Variants in MAP7 observed in about 807,000 individuals in gnomAD.
MAP7 encodes microtubule associated protein 7.
A neutral mutation model predicts 94.8 loss-of-function variants in MAP7; 52 were observed. The observed-to-expected ratio is 0.55, with a 90% CI of 0.44 to 0.69. The LOEUF (loss-of-function observed/expected upper bound fraction) is 0.69. MAP7 is among the 30% of genes least tolerant of loss of function. The pLI, the probability that MAP7 is intolerant of heterozygous loss-of-function variation, is 0.00. For synonymous variants in MAP7, 350 were observed against 357.0 expected (o/e 0.98, Z 0.22); for missense variants, 940 against 964.6 (o/e 0.97, Z 0.34).
At chr6:136,492,175 T>A (rs1176156621) in intron 1 of MAP7, among the ~76,000 whole-genome samples, 1 of 152,188 alleles carries the variant, frequency 6.6e-6, no homozygotes, top group Non-Finnish European at 1.5e-5. Context: ...TAGATTCTCA[T>A]AAGGAGTGCA....
At chr6:136,378,764 A>T (rs1239546328) in intron 6 of MAP7, among the ~76,000 whole-genome samples, 1 of 152,258 alleles carries the variant, frequency 6.6e-6, no homozygotes, top group Admixed American at 6.5e-5. Flanking sequence ...GTTAGTTTCC[A>T]GTGATGGCTC....
chr6:136,507,736 C>T (rs949068293), intron 1 of MAP7, among the ~76,000 whole-genome samples: 14 of 152,182 alleles, frequency 9.2e-5, no homozygotes, highest in African/African-American at 3.4e-4. Context: ...TCTACCTAAT[C>T]TTTAATAACC....
chr6:136,467,657 G>A (rs1471078545), intron 1 of MAP7, among the ~76,000 whole-genome samples: 2 of 152,150 alleles, frequency 1.3e-5, no homozygotes, highest in African/African-American at 4.8e-5. Context: ...TTTGACTTGG[G>A]ATTATCTTTA....
At chr6:136,493,109 T>C (rs1281915360) in intron 1 of MAP7, among the ~76,000 whole-genome samples, 2 of 150,298 alleles carry the variant, frequency 1.3e-5, no homozygotes, top group African/African-American at 2.5e-5. Context: ...TTTTGTGCTC[T>C]TTTCTTCTTT....
chr6:136,411,643 C>T lies in MAP7; in HGVS notation c.221G>A (p.Arg74His), dbSNP rs1473859887. 26 of 1,562,736 alleles carry T rather than the reference C, an allele frequency of 1.7e-5. No individual in the cohort carries two copies. Among genetic ancestry groups the T allele is most frequent in the Non-Finnish European group, 2.1e-5 (24 of 1,152,502 alleles). ...DDRQRLARER[R>H]EEREKQLAAR... ...ACCTAGCTGTTTCTCCCGTTCCTCACGTCGCTCCCGGGCCAGCCGCTGCCG... is the reference window on the plus strand; with the variant it reads ...ACCTAGCTGTTTCTCCCGTTCCTCATGTCGCTCCCGGGCCAGCCGCTGCCG... The change falls in exon 3 of 18, where the codon CGT becomes CAT. Residue 74 changes from arginine to histidine, a missense_variant. By Grantham distance (29) the Arg-to-His change is conservative (BLOSUM62 0). Coordinates refer to ENST00000354570, the MANE Select transcript of MAP7 (RefSeq NM_003980.6).
chr6:136,398,682 C>T (rs9402806), intron 3 of MAP7, among the ~76,000 whole-genome samples: 14,238 of 152,224 alleles, frequency 0.094, 1,417 homozygotes, highest in East Asian at 0.27. Flanking sequence ...AGGAATTGCC[C>T]TTTGCCTCCT....
chr6:136,456,828 A>AGAAGAAGAAGAAGAAG, intron 1 of MAP7, among the ~76,000 whole-genome samples: 1 of 123,756 alleles, frequency 8.1e-6, no homozygotes, highest in East Asian at 2.3e-4. Context: ...AGAAGGAAGA[A>AGAAGAAGAAGAAGAAG]GAAGAAGAAG....
intron 1 of MAP7, among the ~76,000 whole-genome samples, chr6:136,469,914 C>T (rs1307510745): frequency 3.9e-5 from 6 of 152,082 alleles, no homozygotes; most frequent in Non-Finnish European, 5.9e-5. Flanking sequence ...CAGAGGAGTT[C>T]GGGGAGAACT....
At chr6:136,445,938 G>C (rs986261073) in intron 1 of MAP7, among the ~76,000 whole-genome samples, 46 of 152,198 alleles carry the variant, frequency 3.0e-4, no homozygotes, top group African/African-American at 1.1e-3. Flanking sequence ...TCGCCAAAAT[G>C]CATGGGGATT....
At chr6:136,400,965 T>A (rs1480909245) in intron 3 of MAP7, among the ~76,000 whole-genome samples, 1 of 152,208 alleles carries the variant, frequency 6.6e-6, no homozygotes, top group Non-Finnish European at 1.5e-5. Context: ...ATAAAGTTAG[T>A]CACTTCAAGT....
chr6:136,466,151 G>A (rs1245397155), intron 1 of MAP7, among the ~76,000 whole-genome samples: 2 of 151,980 alleles, frequency 1.3e-5, no homozygotes, highest in African/African-American at 4.8e-5. Flanking sequence ...ACATAACTGG[G>A]CAGCACAAAT....
At chr6:136,471,562 T>C (rs554736716) in intron 1 of MAP7, among the ~76,000 whole-genome samples, 28 of 152,138 alleles carry the variant, frequency 1.8e-4, no homozygotes, top group Non-Finnish European at 3.8e-4. Flanking sequence ...TGGGGGTTTT[T>C]TTAGCCCAAG....
chr6:136,496,871 T>C (rs1818400123), intron 1 of MAP7, among the ~76,000 whole-genome samples: 1 of 151,534 alleles, frequency 6.6e-6, no homozygotes, highest in Non-Finnish European at 1.5e-5. Context: ...GAAGAATTGC[T>C]TGAGCCCAGG....
At chr6:136,524,180 G>A (rs1227020163) in intron 1 of MAP7, among the ~76,000 whole-genome samples, 1 of 152,066 alleles carries the variant, frequency 6.6e-6, no homozygotes, top group Admixed American at 6.5e-5. Context: ...GGAGGCAGAG[G>A]TTGCAGTGAG....
chr6:136,480,235 A>C (rs960920606), intron 1 of MAP7, among the ~76,000 whole-genome samples: 10 of 152,194 alleles, frequency 6.6e-5, no homozygotes, highest in Non-Finnish European at 1.2e-4. Flanking sequence ...CAAGAACATA[A>C]ACTGGCAAAA....
intron 1 of MAP7, among the ~76,000 whole-genome samples, chr6:136,543,991 G>A (rs1434378468): frequency 6.6e-6 from 1 of 151,832 alleles, no homozygotes. Flanking sequence ...CTACCATCTC[G>A]GCTCACTACA....
intron 1 of MAP7, among the ~76,000 whole-genome samples, chr6:136,430,086 C>G (rs1280524917): frequency 6.6e-6 from 1 of 152,172 alleles, no homozygotes; most frequent in African/African-American, 2.4e-5. Flanking sequence ...CTGTAGTTAT[C>G]CATCTATATT....
chr6:136,478,690 C>T (rs1811726643), intron 1 of MAP7, among the ~76,000 whole-genome samples: 1 of 151,580 alleles, frequency 6.6e-6, no homozygotes, highest in Non-Finnish European at 1.5e-5. Context: ...CAATAATATA[C>T]CTAGAAGAAA....
chr6:136,499,563 CCAGA>C (rs1819260449), intron 1 of MAP7, among the ~76,000 whole-genome samples: 3 of 152,082 alleles, frequency 2.0e-5, no homozygotes, highest in Non-Finnish European at 4.4e-5. Context: ...ACTTATCTCT[CCAGA>C]CAGAGAAAGA....
Sources: gnomAD v4.1 joint callset for allele counts (sites outside exome capture counted in the v4.1 genomes callset) on GRCh38, gnomAD v4.1.1 for gene constraint, MANE v1.5 for transcripts, NCBI Gene and HGNC (gene_info 2026-07-23, HGNC 2026-07-21) for gene names.